The following MYRIP variants were observed in gnomAD, a reference collection of about 807,000 sequenced individuals.
The protein encoded by MYRIP is rab effector MyRIP.
In MYRIP, 49 loss-of-function variants were observed where a neutral mutation model predicts 98.0. The observed-to-expected ratio is 0.50, with a 90% CI of 0.40 to 0.63. MYRIP has a LOEUF of 0.63. Among genes scored for constraint, MYRIP ranks in the 30% least tolerant of loss-of-function variants. MYRIP has a pLI of 0.00. For synonymous variants in MYRIP, 404 were observed against 409.5 expected (o/e 0.99, Z 0.16); for missense variants, 1,004 against 1,058.2 (o/e 0.95, Z 0.71).
intron 3 of MYRIP, among the ~76,000 whole-genome samples, chr3:40,142,349 G>A (rs902232596): frequency 9.9e-5 from 15 of 151,922 alleles, no homozygotes; most frequent in African/African-American, 2.7e-4. Flanking sequence ...CACCGCACCC[G>A]GCCTGCTGTT....
intron 2 of MYRIP, among the ~76,000 whole-genome samples, chr3:39,983,636 C>T (rs1026849493): frequency 2.0e-5 from 3 of 152,108 alleles, no homozygotes; most frequent in Non-Finnish European, 4.4e-5. Context: ...AAAGCCTCTG[C>T]CCTTGTGAAA....
Position 39,900,830 on chromosome 3 carries a change from T to G in MYRIP, c.14T>G (p.Leu5Arg). Residue 5 changes from leucine (L) to arginine (R), a missense_variant, in exon 2 of 17, where the codon CTG becomes CGG. Around this residue, in one of 3 missense-constraint regions of MYRIP, gnomAD observed 880 missense variants for 907.7 expected, o/e 0.97. Coordinates refer to ENST00000302541, the MANE Select transcript of MYRIP (RefSeq NM_015460.4). ...TGTTGAGTAACCATGGGGAGGAAGC[T>G]GGACCTGTCTGGTTTGACTGATGAT... MGRK[L>R]DLSGLTDDET... 6.2e-7 allele frequency: 1 copy of G among 1,613,862 alleles called. No homozygotes were observed. Among genetic ancestry groups the G allele is most frequent in the South Asian group, 1.1e-5 (1 of 91,060 alleles).
chr3:40,124,511 T>C (rs895853978), intron 3 of MYRIP, among the ~76,000 whole-genome samples: 2 of 152,192 alleles, frequency 1.3e-5, no homozygotes, highest in Non-Finnish European at 2.9e-5. Context: ...GGACAGCCAG[T>C]TCAGCAGTGA....
rs1252199606 is a variant in MYRIP at position 39,916,428 on chromosome 3, C to G, written c.110+15502C>G. 2.0e-5 allele frequency among the ~76,000 whole-genome samples: 3 copies of G among 151,248 alleles called. No individual in the cohort carries two copies. In the South Asian group the frequency reaches 6.2e-4, roughly 31 times the overall value. On this transcript the variant is annotated intron_variant, in intron 2 of 16. Coordinates refer to ENST00000302541, the MANE Select transcript of MYRIP (RefSeq NM_015460.4). ...GAGAACAAAAAAAAAAAAATCACAC[C>G]AAAGATACCTGGCCAACTAACACTA... is the stretch of plus-strand genomic sequence containing the variant.
rs74394635 is a variant in MYRIP at position 40,208,097 on chromosome 3, T to C, written c.1666-1757T>C. ...CTTTCTTTAGCATAATTGGGAATAA[T>C]TGGTGAGTAATGATGAGAAATAATT... On this transcript the variant is annotated intron_variant, in intron 10 of 16. Transcript: ENST00000302541. 2.0e-3 allele frequency among the ~76,000 whole-genome samples: 307 copies of C among 152,248 alleles called. 2 individuals are homozygous for C. Among genetic ancestry groups the C allele is most frequent in the African/African-American group, 7.0e-3 (289 of 41,552 alleles).
At chr3:40,108,856 A>G (rs1949103296) in intron 3 of MYRIP, among the ~76,000 whole-genome samples, 1 of 152,192 alleles carries the variant, frequency 6.6e-6, no homozygotes. Flanking sequence ...AATGGCTCAC[A>G]TATGGGTGTG....
intron 12 of MYRIP, chr3:40,242,589 G>A (rs1380593972): frequency 1.3e-5 from 2 of 151,666 alleles, no homozygotes; most frequent in African/African-American, 2.4e-5. Context: ...TGATGACATT[G>A]AGTTTTGCGT....
At chr3:39,899,150 C>A (rs1238022382) in intron 1 of MYRIP, among the ~76,000 whole-genome samples, 1 of 151,980 alleles carries the variant, frequency 6.6e-6, no homozygotes, top group Non-Finnish European at 1.5e-5. Flanking sequence ...TATTCCTAGA[C>A]AATAATTTTT....
intron 3 of MYRIP, among the ~76,000 whole-genome samples, chr3:40,121,267 C>T (rs1284153254): frequency 6.6e-6 from 1 of 152,150 alleles, no homozygotes; most frequent in South Asian, 2.1e-4. Context: ...AGTTCAGAAA[C>T]GTATTCTCAT....
intron 3 of MYRIP, 115 bp from the exon 4 acceptor site, chr3:40,150,933 T>C: frequency 9.3e-7 from 1 of 1,069,842 alleles, no homozygotes; most frequent in Non-Finnish European, 1.3e-6. Flanking sequence ...CCCGCCCAGA[T>C]TCAAGGGGAA....
chr3:40,169,927 C>CT (rs757850957), intron 7 of MYRIP, 23 bp from the exon 8 acceptor site: 5 of 1,614,050 alleles, frequency 3.1e-6, no homozygotes, highest in African/African-American at 2.7e-5. Flanking sequence ...TAACTTGCCC[C>CT]TTTTTTGTCC....
At chr3:39,933,161 G>A (rs756835975) in intron 2 of MYRIP, among the ~76,000 whole-genome samples, 6 of 152,126 alleles carry the variant, frequency 3.9e-5, no homozygotes. Flanking sequence ...AACCTTTCGT[G>A]CAGGGTTTGA....
At chr3:40,034,376 GA>G (rs953672095) in intron 2 of MYRIP, among the ~76,000 whole-genome samples, 2 of 151,898 alleles carry the variant, frequency 1.3e-5, no homozygotes, top group Non-Finnish European at 2.9e-5. Context: ...AAATTTACAA[GA>G]AAAAAACAAA....
chr3:40,189,429 G>GTTA (rs761526951), intron 9 of MYRIP, among the ~76,000 whole-genome samples: 1 of 152,170 alleles, frequency 6.6e-6, no homozygotes, highest in Non-Finnish European at 1.5e-5. Flanking sequence ...GGGAAACTAA[G>GTTA]GATCCAGGAG....
chr3:39,976,611 C>T (rs1006743697), intron 2 of MYRIP, among the ~76,000 whole-genome samples: 26 of 152,190 alleles, frequency 1.7e-4, no homozygotes, highest in African/African-American at 6.0e-4. Context: ...TTTATTGCAG[C>T]ACTATTCACA....
intron 1 of MYRIP, among the ~76,000 whole-genome samples, chr3:39,825,439 A>G (rs917670131): frequency 6.6e-6 from 1 of 152,172 alleles, no homozygotes; most frequent in Non-Finnish European, 1.5e-5. Flanking sequence ...CATTGCATCT[A>G]TTCAGATAAT....
At chr3:40,204,924 C>A (rs139888439) in intron 10 of MYRIP, among the ~76,000 whole-genome samples, 2,496 of 152,240 alleles carry the variant, frequency 0.016, 17 homozygotes, top group East Asian at 0.031. Flanking sequence ...AAGCCAGCAC[C>A]CCTTCCACGG....
At chr3:40,227,360 C>T (rs547718099) in intron 11 of MYRIP, among the ~76,000 whole-genome samples, 5 of 152,066 alleles carry the variant, frequency 3.3e-5, no homozygotes, top group East Asian at 1.9e-4. Flanking sequence ...AATGAAAAAC[C>T]GGGAAACAAC....
chr3:40,137,863 T>C (rs1394636108), intron 3 of MYRIP, among the ~76,000 whole-genome samples: 1 of 152,164 alleles, frequency 6.6e-6, no homozygotes, highest in Non-Finnish European at 1.5e-5. Flanking sequence ...CAGGGGAAGT[T>C]TCAATGGGAA....
Sources: gnomAD v4.1 joint callset for allele counts (sites outside exome capture counted in the v4.1 genomes callset) on GRCh38, gnomAD v4.1.1 for gene constraint, gnomAD v4.1.1 regional missense constraint, MANE v1.5 for transcripts, NCBI Gene and HGNC (gene_info 2026-07-23, HGNC 2026-07-21) for gene names.